Variants in RAB5IF observed in about 807,000 individuals in gnomAD.
RAB5IF encodes the protein RAB5 interacting factor.
Under a neutral mutation model 20.3 loss-of-function variants are expected in RAB5IF, and 15 were observed. The observed-to-expected ratio is 0.74, with a 90% CI of 0.50 to 1.14. RAB5IF has a LOEUF of 1.14. Among genes scored for constraint, RAB5IF ranks in the 50% most tolerant of loss-of-function variants. The pLI is 0.00. For missense variants in RAB5IF, 148 were observed against 159.5 expected (o/e 0.93, Z 0.39); for synonymous variants, 67 against 63.7 (o/e 1.05, Z -0.25).
intron 1 of RAB5IF, 37 bp downstream of exon 1, chr20:36,606,102 G>T (rs2038927286): frequency 8.0e-7 from 1 of 1,251,950 alleles, no homozygotes; most frequent in African/African-American, 1.6e-5. Context: ...GGTGCGAGGA[G>T]TCGGCTGGGA....
At chr20:36,609,906 T>C in intron 3 of RAB5IF, 176 bp downstream of exon 3, 1 of 1,044,594 alleles carries the variant, frequency 9.6e-7, no homozygotes, top group Non-Finnish European at 1.4e-6. Context: ...TGTGGTCTGA[T>C]ATACTGTACA....
chr20:36,612,435 A>C lies in RAB5IF; in HGVS notation c.*384A>C. ...TTTTTAAACTATCAATGGCATTTCA[A>C]GTCTTCTGAAACAGCATGGCTGTAT... On this transcript the variant is annotated 3_prime_UTR_variant, in exon 4 of 4. Coordinates refer to ENST00000344795, the MANE Select transcript of RAB5IF (RefSeq NM_018840.5). 1 of 599,444 alleles carries C rather than the reference A, an allele frequency of 1.7e-6. No homozygotes were observed. Among genetic ancestry groups the C allele is most frequent in the East Asian group, 2.8e-5 (1 of 35,246 alleles). The allele number at this position is 599,444 out of a possible 1,614,324, so 37.1% of individuals were successfully genotyped here.
chr20:36,606,779 C>T (rs555713311), intron 1 of RAB5IF, among the ~76,000 whole-genome samples: 2 of 152,184 alleles, frequency 1.3e-5, no homozygotes, highest in African/African-American at 4.8e-5. Flanking sequence ...CGTAACTCTG[C>T]TCCATGATCT....
Position 36,612,286 on chromosome 20 carries a change from T to C in RAB5IF, c.*235T>C. ...CTGAATTTATCCATCACCAACCATTTCTTCTTGGATACCATCAAGTAACAG... is the reference window on the plus strand; with the variant it reads ...CTGAATTTATCCATCACCAACCATTCCTTCTTGGATACCATCAAGTAACAG... On this transcript the variant is annotated 3_prime_UTR_variant, in exon 4 of 4. Coordinates refer to ENST00000344795, the MANE Select transcript of RAB5IF (RefSeq NM_018840.5). 6.8e-7 allele frequency: 1 copy of C among 1,467,232 alleles called. No homozygotes were observed. Among genetic ancestry groups the C allele is most frequent in the Non-Finnish European group, 9.5e-7 (1 of 1,047,486 alleles). The allele number at this position is 1,467,232 out of a possible 1,614,324, so 90.9% of individuals were successfully genotyped here.
chr20:36,609,232 C>CTAT (rs1568595679), intron 2 of RAB5IF, among the ~76,000 whole-genome samples: 9 of 128,938 alleles, frequency 7.0e-5, no homozygotes, highest in African/African-American at 2.6e-4. Flanking sequence ...CACACACACA[C>CTAT]ACACACACAC....
At chr20:36,606,163 C>CA in intron 1 of RAB5IF, 98 bp downstream of exon 1, 1 of 755,962 alleles carries the variant, frequency 1.3e-6, no homozygotes, top group Admixed American at 3.6e-5. Context: ...CGTTCCGGCA[C>CA]AATCGAGTAG....
chr20:36,605,978 G>A lies in RAB5IF; in HGVS notation c.27G>A (p.Glu9=), dbSNP rs1340566460. MSGGRRKE[E]PPQPQLANGA... ...TGAGCGGCGGGCGGCGGAAGGAGGA[G>A]CCGCCTCAGCCGCAGCTGGCCAACG... is the stretch of plus-strand genomic sequence containing the variant. The change falls in exon 1 of 4, where the codon GAG becomes GAA. Residue 9 remains glutamate (E), a synonymous_variant. Coordinates refer to ENST00000344795, the MANE Select transcript of RAB5IF (RefSeq NM_018840.5). 1.1e-5 allele frequency: 16 copies of A among 1,516,976 alleles called. No individual in the cohort carries two copies. The highest frequency in any genetic ancestry group is 4.1e-5 in the Admixed American group (2 of 48,636). 94.0% of individuals were successfully genotyped at this position (1,516,976 alleles called of 1,614,324 possible). A position where few individuals can be genotyped will look rare whatever the true frequency, so the allele number is the denominator to read the frequency against.
At position 36,605,899 on chromosome 20, in the gene RAB5IF, C is replaced by A; in HGVS notation, c.-53C>A. On this transcript the variant is annotated 5_prime_UTR_variant, in exon 1 of 4. Coordinates refer to ENST00000344795, the MANE Select transcript of RAB5IF (RefSeq NM_018840.5). ...GACCTGCGACCCTAGACCCCGACTC[C>A]CTTTGGCTCAGCCCGCGCGCCCCAG... 8.6e-7 allele frequency: 1 copy of A among 1,163,530 alleles called. No individual in the cohort carries two copies. The highest frequency in any genetic ancestry group is 1.1e-6 in the Non-Finnish European group (1 of 871,108). 72.1% of individuals were successfully genotyped at this position (1,163,530 alleles called of 1,614,324 possible). A position where few individuals can be genotyped will look rare whatever the true frequency, so the allele number is the denominator to read the frequency against.
At chr20:36,607,601 TG>T in intron 1 of RAB5IF, 113 bp from the exon 2 acceptor site, 3 of 1,256,426 alleles carry the variant, frequency 2.4e-6, no homozygotes, top group East Asian at 2.5e-5. Flanking sequence ...CTGTTGCCTT[TG>T]GGGGGAAACA....
At chr20:36,606,948 C>T (rs1374788165) in intron 1 of RAB5IF, among the ~76,000 whole-genome samples, 2 of 152,194 alleles carry the variant, frequency 1.3e-5, no homozygotes, top group East Asian at 1.9e-4. Context: ...CCTTGTTCTG[C>T]CCCCAGCCCT....
rs200128148 is a variant in RAB5IF at position 36,612,173 on chromosome 20, C to T, written c.*122C>T. ...CTTGGAAGACCCGTGTTTCCTGGAC[C>T]GCGAATCAGTGTGTTGGGCATCAGT... On this transcript the variant is annotated 3_prime_UTR_variant, in exon 4 of 4. Coordinates refer to ENST00000344795, the MANE Select transcript of RAB5IF (RefSeq NM_018840.5). 119 of 1,614,190 alleles carry T rather than the reference C, an allele frequency of 7.4e-5. 1 individual carries two copies. The Admixed American group carries it at 1.4e-3, about 19-fold the overall frequency.
chr20:36,607,689 T>C lies in RAB5IF; in HGVS notation c.115-26T>C, dbSNP rs201271016. ...TCTTGTGGCACCCACTCCAGATAAT[T>C]CTTGCATTTTCTGTCTTTTCTACAG... is the stretch of plus-strand genomic sequence containing the variant. On this transcript the variant is annotated intron_variant, in intron 1 of 3. Coordinates refer to ENST00000344795, the MANE Select transcript of RAB5IF (RefSeq NM_018840.5). 176 of 1,612,814 alleles carry C rather than the reference T, an allele frequency of 1.1e-4. 2 individuals are homozygous for C. In the East Asian group the frequency reaches 3.8e-3, roughly 35 times the overall value.
intron 3 of RAB5IF, 136 bp from the exon 4 acceptor site, chr20:36,611,874 A>G: frequency 8.9e-7 from 1 of 1,123,084 alleles, no homozygotes; most frequent in South Asian, 1.4e-5. Context: ...AATAATTTAG[A>G]CCCCCCAAGC....
chr20:36,610,803 G>A (rs2039092537), intron 3 of RAB5IF, among the ~76,000 whole-genome samples: 1 of 152,142 alleles, frequency 6.6e-6, no homozygotes, highest in African/African-American at 2.4e-5. Context: ...ACCATGTGTT[G>A]TGTAATTCCA....
chr20:36,611,438 A>G (rs80108840), intron 3 of RAB5IF, among the ~76,000 whole-genome samples: 245 of 138,176 alleles, frequency 1.8e-3, no homozygotes, highest in African/African-American at 6.1e-3. Context: ...TCTACAGGGG[A>G]AAAAAAAAAA....
Position 36,609,258 on chromosome 20 carries a change from A to C in RAB5IF, c.219-343A>C, listed in dbSNP as rs58015800. Among the ~76,000 whole-genome samples, 64 of 99,220 alleles carry C rather than the reference A, an allele frequency of 6.5e-4. No individual in the cohort carries two copies. In the Middle Eastern group the frequency reaches 0.014, roughly 22 times the overall value. 65.1% of individuals were successfully genotyped at this position (99,220 alleles called of 152,430 possible). On this transcript the variant is annotated intron_variant, in intron 2 of 3. Coordinates refer to ENST00000344795, the MANE Select transcript of RAB5IF (RefSeq NM_018840.5). ...ACACACACACACACACACACACACT[A>C]TATATAGAGTTTCGCTGTTGCCCAG...
At position 36,606,051 on chromosome 20, in the gene RAB5IF, G is replaced by A; in HGVS notation, c.100G>A (p.Ala34Thr). 2 of 1,511,714 alleles carry A rather than the reference G, an allele frequency of 1.3e-6. No homozygotes were observed. Among genetic ancestry groups the A allele is most frequent in the Non-Finnish European group, 8.9e-7 (1 of 1,124,152 alleles). 93.6% of individuals were successfully genotyped at this position (1,511,714 alleles called of 1,614,324 possible). ...GAGTAAGGTGCTGCGGAGCGACGCGGCCTGGGAGGATAAGGTACGGTGGAG... is the reference window on the plus strand; with the variant it reads ...GAGTAAGGTGCTGCGGAGCGACGCGACCTGGGAGGATAAGGTACGGTGGAG... ...VWSKVLRSDA[A>T]WEDKDEFLDV... Residue 34 changes from alanine to threonine, a missense_variant, in exon 1 of 4, where the codon GCC becomes ACC. By Grantham distance (58) the Ala-to-Thr change is moderately conservative (BLOSUM62 0). Coordinates refer to ENST00000344795, the MANE Select transcript of RAB5IF (RefSeq NM_018840.5).
chr20:36,610,199 G>A (rs1442340143), intron 3 of RAB5IF, among the ~76,000 whole-genome samples: 2 of 151,860 alleles, frequency 1.3e-5, no homozygotes, highest in Non-Finnish European at 1.5e-5. Context: ...CATGAGAATC[G>A]CTTGAACCCG....
rs187072929 is a variant in RAB5IF at position 36,611,443 on chromosome 20, A to G, written c.349-567A>G. The stretch of plus-strand genomic sequence containing the variant: ...GAAACCCATCTCTACAGGGGAAAAA[A>G]AAAAATAGCTAGGAGTGGTGGTGTG... On this transcript the variant is annotated intron_variant, in intron 3 of 3. Coordinates refer to ENST00000344795, the MANE Select transcript of RAB5IF (RefSeq NM_018840.5). Among the ~76,000 whole-genome samples, 302 of 151,468 alleles carry G rather than the reference A, an allele frequency of 2.0e-3. 1 individual carries two copies. In the Middle Eastern group the frequency reaches 0.021, roughly 10 times the overall value.
Sources: gnomAD v4.1 joint callset for allele counts (sites outside exome capture counted in the v4.1 genomes callset) on GRCh38, gnomAD v4.1.1 for gene constraint, MANE v1.5 for transcripts, NCBI Gene and HGNC (gene_info 2026-07-23, HGNC 2026-07-21) for gene names.